TMEM263: variants seen among roughly 807,000 people sequenced by gnomAD.
TMEM263 encodes the protein transmembrane protein 263.
Under a neutral mutation model 8.6 loss-of-function variants are expected in TMEM263, and 5 were observed. The observed-to-expected ratio is 0.58, with a 90% CI of 0.31 to 1.23. The LOEUF is 1.23. Among genes scored for constraint, TMEM263 ranks in the 50% most tolerant of loss-of-function variants. The pLI, the probability that TMEM263 is intolerant of heterozygous loss-of-function variation, is 0.07. For missense variants in TMEM263, 104 were observed against 138.8 expected (o/e 0.75, Z 1.26); for synonymous variants, 50 against 47.9 (o/e 1.04, Z -0.18).
chr12:106,962,754 G>T (rs1951796439), intron 2 of TMEM263, among the ~76,000 whole-genome samples: 1 of 152,104 alleles, frequency 6.6e-6, no homozygotes, highest in African/African-American at 2.4e-5. Context: ...CTCTCAAAAG[G>T]TTTCTCTTCT....
rs2136780788 is a variant in TMEM263, at chr12:106,972,007, T to G, written c.*616T>G. ...TTGATGCCTTACAAAAGAAAACATC[T>G]TTTCTAATACCCTGAATATGTGCTG... On this transcript the variant is annotated 3_prime_UTR_variant, in exon 4 of 4. Coordinates refer to ENST00000280756, the MANE Select transcript of TMEM263 (RefSeq NM_152261.4). 1 of 152,800 alleles carries G rather than the reference T, an allele frequency of 6.5e-6. No individual in the cohort carries two copies. Among genetic ancestry groups the G allele is most frequent in the South Asian group, 2.1e-4 (1 of 4,828 alleles). The allele number at this position is 152,800 out of a possible 1,614,324, so 9.5% of individuals were successfully genotyped here.
chr12:106,962,992 A>G (rs558045129), intron 2 of TMEM263, among the ~76,000 whole-genome samples: 2 of 152,350 alleles, frequency 1.3e-5, no homozygotes, highest in African/African-American at 2.4e-5. Flanking sequence ...AGATTAGGTG[A>G]AAATGATAAG....
At chr12:106,960,050 T>C (rs1439881416) in intron 2 of TMEM263, among the ~76,000 whole-genome samples, 2 of 152,200 alleles carry the variant, frequency 1.3e-5, no homozygotes, top group African/African-American at 4.8e-5. Context: ...ATCTTTTTTT[T>C]TTGAGATGGA....
At chr12:106,968,281 A>G (rs1951871293) in intron 3 of TMEM263, among the ~76,000 whole-genome samples, 1 of 152,120 alleles carries the variant, frequency 6.6e-6, no homozygotes, top group Non-Finnish European at 1.5e-5. Context: ...TTTACACTTA[A>G]GCCATAAAGA....
intron 2 of TMEM263, among the ~76,000 whole-genome samples, chr12:106,962,225 C>T (rs969716054): frequency 4.6e-5 from 7 of 151,552 alleles, no homozygotes; most frequent in South Asian, 2.1e-4. Flanking sequence ...TAACCCCCCC[C>T]GCCCCCTGGC....
intron 2 of TMEM263, among the ~76,000 whole-genome samples, chr12:106,964,835 C>T (rs751997075): frequency 1.3e-5 from 2 of 152,186 alleles, no homozygotes; most frequent in Non-Finnish European, 2.9e-5. Context: ...TCCCATTTCT[C>T]GCAACCTCTG....
intron 2 of TMEM263, among the ~76,000 whole-genome samples, chr12:106,966,188 G>A (rs757741324): frequency 4.6e-5 from 7 of 152,192 alleles, no homozygotes; most frequent in Non-Finnish European, 1.0e-4. Flanking sequence ...CCTTCTTTGT[G>A]TCCATGTATA....
chr12:106,968,554 A>C (rs879677018), intron 3 of TMEM263, among the ~76,000 whole-genome samples: 9 of 152,308 alleles, frequency 5.9e-5, no homozygotes, highest in Non-Finnish European at 1.2e-4. Context: ...AAGAAATCAG[A>C]AAAGGGATAA....
At chr12:106,970,921 T>C (rs184206407) in intron 3 of TMEM263, among the ~76,000 whole-genome samples, 184 bp from the exon 4 acceptor site, 3 of 152,330 alleles carry the variant, frequency 2.0e-5, no homozygotes, top group East Asian at 3.9e-4. Flanking sequence ...GACCAAGATA[T>C]TGTAAAAACA....
At chr12:106,965,878 A>G (rs1403418021) in intron 2 of TMEM263, among the ~76,000 whole-genome samples, 1 of 152,202 alleles carries the variant, frequency 6.6e-6, no homozygotes, top group Non-Finnish European at 1.5e-5. Context: ...GCAAAAAGTC[A>G]TCAAAATTGA....
At chr12:106,961,036 G>A (rs542920285) in intron 2 of TMEM263, among the ~76,000 whole-genome samples, 170 of 97,982 alleles carry the variant, frequency 1.7e-3, no homozygotes, top group Non-Finnish European at 2.4e-3. Context: ...TCTTCTCTTC[G>A]TCCTGTCCTG....
chr12:106,963,291 AAAG>A (rs1420917623), intron 2 of TMEM263, among the ~76,000 whole-genome samples: 1 of 152,222 alleles, frequency 6.6e-6, no homozygotes, highest in East Asian at 1.9e-4. Flanking sequence ...GACTGGACTG[AAAG>A]AAGAACAAAG....
rs189478936 is a variant in TMEM263 at position 106,955,969 on chromosome 12, C to T, written c.-171C>T. 5,111 of 986,508 alleles carry T rather than the reference C, an allele frequency of 5.2e-3. 91 individuals are homozygous for T. Among genetic ancestry groups the T allele is most frequent in the African/African-American group, 0.052 (2,967 of 57,358 alleles). 61.1% of individuals were successfully genotyped at this position (986,508 alleles called of 1,614,324 possible). ...GGAGCCGCGACTGCCCGGGGTTGTG[C>T]CGGCCGCCGCTGCCGCCCAGGCCGC... On this transcript the variant is annotated 5_prime_UTR_variant, in exon 1 of 4. Transcript: ENST00000280756.
intron 2 of TMEM263, among the ~76,000 whole-genome samples, chr12:106,960,284 C>G (rs923839284): frequency 2.6e-5 from 4 of 152,082 alleles, no homozygotes; most frequent in African/African-American, 9.7e-5. Flanking sequence ...ATCCACCTGC[C>G]TTGGCCTCCC....
chr12:106,958,300 A>AT (rs1317942476), intron 2 of TMEM263, among the ~76,000 whole-genome samples: 1 of 152,160 alleles, frequency 6.6e-6, no homozygotes, highest in African/African-American at 2.4e-5. Context: ...TGTTTTTGGA[A>AT]TTTTTTATTA....
Position 106,971,145 on chromosome 12 carries a change from G to T in TMEM263, c.105G>T (p.Leu35Phe), listed in dbSNP as rs911760534. The T allele has an allele frequency of 1.2e-6, 2 of 1,614,212 alleles. No individual in the cohort carries two copies. Among genetic ancestry groups the T allele is most frequent in the Admixed American group, 1.7e-5 (1 of 60,022 alleles). The change falls in exon 4 of 4, where the codon TTG becomes TTT. Residue 35 changes from leucine to phenylalanine, a missense_variant. Physicochemically the swap from Leu to Phe is conservative, Grantham distance 22 (BLOSUM62 0). Transcript: ENST00000280756. Reference protein sequence around the residue: ...KDHPQQQPGMLSRVTGGIFSV... With the variant: ...KDHPQQQPGMFSRVTGGIFSV... ...ACCCACAGCAGCAGCCAGGCATGTT[G>T]TCCCGTGTGACTGGGGGTATCTTCA...
intron 1 of TMEM263, among the ~76,000 whole-genome samples, 182 bp downstream of exon 1, chr12:106,956,247 G>A (rs1951688083): frequency 6.6e-6 from 1 of 152,246 alleles, no homozygotes; most frequent in African/African-American, 2.4e-5. Flanking sequence ...GGCGGATGGA[G>A]GTTCGCTTCT....
At chr12:106,958,303 T>C (rs1396931740) in intron 2 of TMEM263, among the ~76,000 whole-genome samples, 1 of 152,226 alleles carries the variant, frequency 6.6e-6, no homozygotes, top group Non-Finnish European at 1.5e-5. Context: ...TTTTGGAATT[T>C]TTTATTATGA....
At chr12:106,961,390 T>C (rs1951776942) in intron 2 of TMEM263, among the ~76,000 whole-genome samples, 1 of 151,962 alleles carries the variant, frequency 6.6e-6, no homozygotes, top group Non-Finnish European at 1.5e-5. Context: ...ACAAATACTA[T>C]CTGGCAGCTT....
Sources: gnomAD v4.1 joint callset for allele counts (sites outside exome capture counted in the v4.1 genomes callset) on GRCh38, gnomAD v4.1.1 for gene constraint, MANE v1.5 for transcripts, NCBI Gene and HGNC (gene_info 2026-07-23, HGNC 2026-07-21) for gene names.